Variants in MEIS1 observed in about 807,000 individuals in gnomAD.
MEIS1 encodes the protein homeobox protein Meis1.
MEIS1 carries 5 observed loss-of-function variants against 50.8 expected under a neutral mutation model. The ratio of observed to expected loss-of-function variants is 0.10; its 90% CI spans 0.05 to 0.21. The LOEUF (loss-of-function observed/expected upper bound fraction) is 0.21. Ranked by LOEUF, MEIS1 falls within the 10% of genes least tolerant of loss-of-function variation. MEIS1 has a pLI of 1.00. For synonymous variants in MEIS1, 176 were observed against 179.3 expected (o/e 0.98, Z 0.15); for missense variants, 318 against 517.3 (o/e 0.61, Z 3.74).
chr2:66,508,157 C>A (rs902542816), intron 7 of MEIS1, among the ~76,000 whole-genome samples: 1 of 152,194 alleles, frequency 6.6e-6, no homozygotes, highest in Non-Finnish European at 1.5e-5. Flanking sequence ...TCCCCCTGCT[C>A]GTTAGAAACC....
At chr2:66,460,634 A>G (rs1349461733) in intron 6 of MEIS1, among the ~76,000 whole-genome samples, 2 of 152,238 alleles carry the variant, frequency 1.3e-5, no homozygotes, top group Non-Finnish European at 2.9e-5. Flanking sequence ...TTATGACAAT[A>G]GAAATAGTGT....
At chr2:66,557,903 T>C (rs946057613) in intron 9 of MEIS1, among the ~76,000 whole-genome samples, 1 of 152,192 alleles carries the variant, frequency 6.6e-6, no homozygotes, top group Non-Finnish European at 1.5e-5. Context: ...TCAGTTCTCA[T>C]ATTCTTCTCA....
intron 8 of MEIS1, among the ~76,000 whole-genome samples, chr2:66,523,841 C>T (rs1194492771): frequency 2.0e-5 from 3 of 152,150 alleles, no homozygotes; most frequent in African/African-American, 4.8e-5. Flanking sequence ...AGGTGTTAGC[C>T]TCTGAAAATG....
At chr2:66,533,046 A>C (rs1359998873) in intron 8 of MEIS1, among the ~76,000 whole-genome samples, 5 of 152,160 alleles carry the variant, frequency 3.3e-5, no homozygotes, top group African/African-American at 4.8e-5. Context: ...CTTTATTTCC[A>C]AAGGTTTGTT....
intron 7 of MEIS1, among the ~76,000 whole-genome samples, chr2:66,492,606 C>A (rs1413020776): frequency 6.6e-6 from 1 of 152,168 alleles, no homozygotes; most frequent in Non-Finnish European, 1.5e-5. Context: ...TTTCTTTGTG[C>A]AAGTCTTCAG....
intron 9 of MEIS1, among the ~76,000 whole-genome samples, chr2:66,555,587 G>A (rs1675041193): frequency 6.6e-6 from 1 of 152,142 alleles, no homozygotes; most frequent in Non-Finnish European, 1.5e-5. Flanking sequence ...TGTCAAATAT[G>A]TCTTAAGTGT....
At chr2:66,562,452 G>A (rs545815617) in intron 9 of MEIS1, among the ~76,000 whole-genome samples, 3 of 150,550 alleles carry the variant, frequency 2.0e-5, no homozygotes, top group South Asian at 2.1e-4. Context: ...AAAGAACAAA[G>A]CAAAACTTCC....
intron 8 of MEIS1, among the ~76,000 whole-genome samples, chr2:66,540,737 A>G (rs913950887): frequency 6.6e-6 from 1 of 152,244 alleles, no homozygotes; most frequent in African/African-American, 2.4e-5. Context: ...ATTTAGGAAG[A>G]GGATATAAGT....
chr2:66,566,822 AAAC>A (rs1240829022), intron 9 of MEIS1, among the ~76,000 whole-genome samples: 2 of 150,594 alleles, frequency 1.3e-5, no homozygotes, highest in South Asian at 2.1e-4. Flanking sequence ...AAAAAAAAAA[AAAC>A]AACAACAACA....
At chr2:66,489,432 A>AT (rs1191237326) in intron 7 of MEIS1, among the ~76,000 whole-genome samples, 1 of 152,184 alleles carries the variant, frequency 6.6e-6, no homozygotes, top group Non-Finnish European at 1.5e-5. Context: ...TTGATTCTTA[A>AT]TATAGTAGAC....
At chr2:66,543,721 A>G (rs1421615940) in intron 8 of MEIS1, among the ~76,000 whole-genome samples, 2 of 152,162 alleles carry the variant, frequency 1.3e-5, no homozygotes, top group Admixed American at 1.3e-4. Flanking sequence ...TCTAAAGGTA[A>G]TTTTGTTTGC....
intron 9 of MEIS1, among the ~76,000 whole-genome samples, chr2:66,563,783 T>C (rs1227298626): frequency 2.0e-5 from 3 of 152,190 alleles, no homozygotes; most frequent in Admixed American, 2.0e-4. Flanking sequence ...AATGTTTTTG[T>C]ATCTGAATTC....
At chr2:66,441,334 G>A in intron 4 of MEIS1, 80 bp from the exon 5 acceptor site, 1 of 1,230,432 alleles carries the variant, frequency 8.1e-7, no homozygotes, top group South Asian at 1.5e-5. Flanking sequence ...GGGAGGGGGT[G>A]GGCTGGAGAT....
In MEIS1 at chr2:66,537,512, G is replaced by A. The variant is rs116157449; in HGVS notation, c.889-10431G>A. Among the ~76,000 whole-genome samples, 1,187 of 152,230 alleles carry A rather than the reference G, an allele frequency of 7.8e-3. 13 individuals are homozygous for A. Among genetic ancestry groups the A allele is most frequent in the African/African-American group, 0.024 (977 of 41,524 alleles). On this transcript the variant is annotated intron_variant, in intron 8 of 12. Coordinates refer to ENST00000272369, the MANE Select transcript of MEIS1 (RefSeq NM_002398.3). ...AGTTCCAGGGGTCTTTAGTCATATT[G>A]GGAGCAGCACGAATTCTCCATCTCA...
intron 6 of MEIS1, among the ~76,000 whole-genome samples, chr2:66,462,659 C>T (rs113687799): frequency 0.02 from 2,987 of 152,214 alleles, 59 homozygotes; most frequent in South Asian, 0.065. Context: ...GCATTCTGAG[C>T]GTGTGTTCCA....
At chr2:66,504,843 C>T (rs1042252567) in intron 7 of MEIS1, among the ~76,000 whole-genome samples, 8 of 152,038 alleles carry the variant, frequency 5.3e-5, no homozygotes, top group Middle Eastern at 3.2e-3. Context: ...CCAAAGGAAC[C>T]GCTTCAAATT....
chr2:66,503,555 T>G (rs1187779401), intron 7 of MEIS1, among the ~76,000 whole-genome samples: 1 of 152,204 alleles, frequency 6.6e-6, no homozygotes, highest in Non-Finnish European at 1.5e-5. Flanking sequence ...ATTACTGTAA[T>G]TATTTTGTTT....
chr2:66,441,963 G>A (rs181547389), intron 5 of MEIS1: 1 of 160,086 alleles, frequency 6.2e-6, no homozygotes, highest in Non-Finnish European at 1.4e-5. Context: ...TGGAGGAGGT[G>A]GTGGGGAGGC....
At chr2:66,476,724 C>G (rs1282222493) in intron 7 of MEIS1, among the ~76,000 whole-genome samples, 1 of 152,126 alleles carries the variant, frequency 6.6e-6, no homozygotes, top group African/African-American at 2.4e-5. Context: ...GTCACGGGGC[C>G]TGAAAGGAGT....
Sources: gnomAD v4.1 joint callset for allele counts (sites outside exome capture counted in the v4.1 genomes callset) on GRCh38, gnomAD v4.1.1 for gene constraint, MANE v1.5 for transcripts, NCBI Gene and HGNC (gene_info 2026-07-23, HGNC 2026-07-21) for gene names.